Variants in DLG2 observed in about 807,000 individuals in gnomAD.
DLG2 encodes the protein discs large MAGUK scaffold protein 2, also known as disks large homolog 2.
DLG2 carries 45 observed loss-of-function variants against 132.5 expected under a neutral mutation model. The ratio of observed to expected loss-of-function variants is 0.34; its 90% CI spans 0.27 to 0.44. The LOEUF (loss-of-function observed/expected upper bound fraction) is 0.44, where lower values mean the gene tolerates loss of function less well. Ranked by LOEUF, DLG2 falls within the 20% of genes least tolerant of loss-of-function variation. DLG2 has a pLI of 1.00. For missense variants in DLG2, 1,045 were observed against 1,196.9 expected (o/e 0.87, Z 1.87); for synonymous variants, 424 against 419.6 (o/e 1.01, Z -0.13).
intron 6 of DLG2, among the ~76,000 whole-genome samples, chr11:85,017,400 T>G (rs1158405785): frequency 6.6e-6 from 1 of 151,776 alleles, no homozygotes; most frequent in Non-Finnish European, 1.5e-5. Context: ...TTTTTGCCCC[T>G]ACTACTTTGT....
chr11:83,726,142 A>G (rs924108499), intron 18 of DLG2, among the ~76,000 whole-genome samples: 20 of 152,276 alleles, frequency 1.3e-4, no homozygotes, highest in Admixed American at 9.8e-4. Flanking sequence ...TGTATTCATC[A>G]GAAACAAATG....
At chr11:84,284,079 A>G (rs1388665195) in intron 7 of DLG2, among the ~76,000 whole-genome samples, 3 of 152,094 alleles carry the variant, frequency 2.0e-5, no homozygotes, top group Non-Finnish European at 4.4e-5. Flanking sequence ...ACTAAAAATA[A>G]CAAAATTAGC....
rs528433670 is a variant in DLG2, at chr11:85,024,601, T to C, written c.357+87060A>G. ...TTGCATGTTGTCTATATAGCCACCA[T>C]CGTACTTTAAATGTGCAGAAAAAAT... On this transcript the variant is annotated intron_variant, in intron 6 of 27. Transcript: ENST00000376104. Among the ~76,000 whole-genome samples, 50 of 152,308 alleles carry C rather than the reference T, an allele frequency of 3.3e-4. No individual in the cohort carries two copies. In the South Asian group the frequency reaches 9.1e-3, roughly 28 times the overall value.
intron 3 of DLG2, among the ~76,000 whole-genome samples, chr11:85,406,362 G>C (rs956651562): frequency 2.0e-5 from 3 of 151,784 alleles, no homozygotes. Context: ...GAGAATCTCA[G>C]AGTCAGCATT....
At chr11:85,529,143 GT>G (rs1193093265) in intron 3 of DLG2, among the ~76,000 whole-genome samples, 3 of 152,152 alleles carry the variant, frequency 2.0e-5, no homozygotes, top group Non-Finnish European at 2.9e-5. Context: ...TTGAGAGGTC[GT>G]TTGCAAGTTG....
At chr11:84,784,593 A>C (rs773605460) in intron 6 of DLG2, among the ~76,000 whole-genome samples, 1 of 151,690 alleles carries the variant, frequency 6.6e-6, no homozygotes, top group Non-Finnish European at 1.5e-5. Context: ...ACATCATTTC[A>C]CTTCATCTGT....
chr11:84,887,845 G>T (rs561531173), intron 6 of DLG2, among the ~76,000 whole-genome samples: 62 of 152,168 alleles, frequency 4.1e-4, no homozygotes, highest in African/African-American at 1.4e-3. Context: ...CTGCATAATG[G>T]GATTTGTTTG....
At chr11:84,054,583 T>C (rs924359335) in intron 11 of DLG2, among the ~76,000 whole-genome samples, 4 of 152,036 alleles carry the variant, frequency 2.6e-5, no homozygotes, top group African/African-American at 7.2e-5. Flanking sequence ...TACCCAAATA[T>C]CCATTACTGA....
chr11:85,454,672 G>A (rs560320890), intron 3 of DLG2, among the ~76,000 whole-genome samples: 11 of 152,094 alleles, frequency 7.2e-5, no homozygotes, highest in South Asian at 2.1e-4. Flanking sequence ...TAGGTTTTAC[G>A]TTTAAGTCTT....
intron 6 of DLG2, among the ~76,000 whole-genome samples, chr11:84,994,846 A>C (rs2057476822): frequency 6.6e-6 from 1 of 152,220 alleles, no homozygotes; most frequent in Non-Finnish European, 1.5e-5. Context: ...AAGCTTGTTG[A>C]AATTCAGAAC....
At chr11:85,493,799 G>C (rs1018466473) in intron 3 of DLG2, among the ~76,000 whole-genome samples, 9 of 147,498 alleles carry the variant, frequency 6.1e-5, no homozygotes, top group Non-Finnish European at 1.1e-4. Context: ...AGGAAGGAAA[G>C]GAGGGAAGGA....
chr11:84,817,325 T>C (rs1051112666), intron 6 of DLG2, among the ~76,000 whole-genome samples: 2 of 151,940 alleles, frequency 1.3e-5, no homozygotes, highest in East Asian at 3.9e-4. Flanking sequence ...CTGAAGGTGA[T>C]GCGGAGTCAA....
chr11:84,165,784 G>C (rs576921654), intron 8 of DLG2, among the ~76,000 whole-genome samples: 89 of 152,164 alleles, frequency 5.8e-4, no homozygotes, highest in African/African-American at 2.0e-3. Flanking sequence ...TGTAGTCCCA[G>C]CTACTTCAGA....
chr11:84,460,196 G>C (rs920740584), intron 7 of DLG2, among the ~76,000 whole-genome samples: 1 of 150,310 alleles, frequency 6.7e-6, no homozygotes, highest in African/African-American at 2.4e-5. Context: ...TGCCTTCCAG[G>C]GAGTAAACTC....
intron 4 of DLG2, among the ~76,000 whole-genome samples, chr11:85,195,790 T>G (rs1037059648): frequency 2.6e-5 from 4 of 152,106 alleles, no homozygotes; most frequent in Non-Finnish European, 5.9e-5. Flanking sequence ...CCTCCCAAAG[T>G]GCTGGGATTA....
chr11:85,157,811 T>C (rs1228346432), intron 4 of DLG2, among the ~76,000 whole-genome samples: 5 of 152,140 alleles, frequency 3.3e-5, no homozygotes, highest in Admixed American at 3.3e-4. Context: ...TTGGGAGGTC[T>C]CTCATGAAGC....
intron 6 of DLG2, among the ~76,000 whole-genome samples, chr11:84,847,163 G>A (rs1246913826): frequency 3.3e-5 from 5 of 152,034 alleles, no homozygotes; most frequent in Admixed American, 6.6e-5. Context: ...GAGCCCTACC[G>A]AAACAAAAAT....
chr11:85,226,958 C>G (rs547854427), intron 4 of DLG2, among the ~76,000 whole-genome samples: 1 of 152,210 alleles, frequency 6.6e-6, no homozygotes, highest in South Asian at 2.1e-4. Context: ...GAAGCTTAAA[C>G]ATTCTTAGTT....
intron 3 of DLG2, among the ~76,000 whole-genome samples, chr11:85,297,075 T>C (rs964156288): frequency 6.6e-6 from 1 of 151,910 alleles, no homozygotes; most frequent in Non-Finnish European, 1.5e-5. Flanking sequence ...AATGTACTGC[T>C]TAAATAAAAT....
Sources: gnomAD v4.1 joint callset for allele counts (sites outside exome capture counted in the v4.1 genomes callset) on GRCh38, gnomAD v4.1.1 for gene constraint, MANE v1.5 for transcripts, NCBI Gene and HGNC (gene_info 2026-07-23, HGNC 2026-07-21) for gene names.